The following PLEKHA8 variants were observed in gnomAD, a reference collection of about 807,000 sequenced individuals.
PLEKHA8 encodes pleckstrin homology domain-containing family A member 8.
In PLEKHA8, 36 loss-of-function variants were observed where a neutral mutation model predicts 68.2. The ratio of observed to expected loss-of-function variants is 0.53; its 90% CI spans 0.40 to 0.70. The LOEUF (loss-of-function observed/expected upper bound fraction) is 0.70. PLEKHA8 is among the 30% of genes least tolerant of loss of function. The pLI is 0.00. For missense variants in PLEKHA8, 505 were observed against 615.4 expected (o/e 0.82, Z 1.90); for synonymous variants, 211 against 216.1 (o/e 0.98, Z 0.20).
At chr7:30,046,085 T>C in intron 2 of PLEKHA8, 125 bp from the exon 3 acceptor site, 1 of 851,010 alleles carries the variant, frequency 1.2e-6, no homozygotes, top group Non-Finnish European at 1.7e-6. Flanking sequence ...AGGTAATGAC[T>C]GGCATCCTCT....
intron 13 of PLEKHA8, among the ~76,000 whole-genome samples, chr7:30,099,961 A>C (rs1214489916): frequency 6.6e-6 from 1 of 152,202 alleles, no homozygotes; most frequent in Non-Finnish European, 1.5e-5. Flanking sequence ...GGTGTTGGCA[A>C]GTCCATCTCC....
In PLEKHA8 at chr7:30,111,024, C is replaced by G. The variant is rs1796257059; in HGVS notation, c.1363-18242C>G. On this transcript the variant is annotated intron_variant, in intron 13 of 13. Transcript: ENST00000396257. The stretch of plus-strand genomic sequence containing the variant: ...GGCTCAAGCAATTCTCCTGCCTCAG[C>G]CCCCCGAGTAGCTGGGACTACAGGC... Among the ~76,000 whole-genome samples the G allele has an allele frequency of 1.3e-5, 2 of 151,874 alleles. 1 individual carries two copies. Among genetic ancestry groups the G allele is most frequent in the Admixed American group, 1.3e-4 (2 of 15,252 alleles).
At chr7:30,056,291 T>C (rs1307144339) in intron 9 of PLEKHA8, among the ~76,000 whole-genome samples, 2 of 80,284 alleles carry the variant, frequency 2.5e-5, no homozygotes, top group African/African-American at 8.1e-5. Flanking sequence ...TCTCTCTCTC[T>C]CTCTCTCTCT....
intron 13 of PLEKHA8, chr7:30,117,909 T>C: frequency 8.6e-7 from 1 of 1,157,264 alleles, no homozygotes; most frequent in Non-Finnish European, 1.2e-6. Context: ...TGCCAAGACT[T>C]TATTCATATT....
At chr7:30,049,450 T>C in intron 5 of PLEKHA8, 68 bp downstream of exon 5, 6 of 1,557,626 alleles carry the variant, frequency 3.9e-6, no homozygotes, top group Admixed American at 3.7e-5. Flanking sequence ...TAGTGAGTTA[T>C]GTTCTCTATT....
chr7:30,061,435 G>C (rs946900350), intron 10 of PLEKHA8, among the ~76,000 whole-genome samples: 1 of 152,164 alleles, frequency 6.6e-6, no homozygotes, highest in African/African-American at 2.4e-5. Flanking sequence ...TTTAAATGCA[G>C]ATTAAATGTT....
chr7:30,099,046 G>C (rs748581871), intron 13 of PLEKHA8, among the ~76,000 whole-genome samples: 1 of 152,136 alleles, frequency 6.6e-6, no homozygotes, highest in African/African-American at 2.4e-5. Context: ...GTGAGCCACC[G>C]TGCCCAGCCT....
rs539364272 is a variant in PLEKHA8 at position 30,082,090 on chromosome 7, A to T, written c.*3303A>T. 11 of 985,334 alleles carry T rather than the reference A, an allele frequency of 1.1e-5. No individual in the cohort carries two copies. The African/African-American group carries it at 1.7e-4, about 16-fold the overall frequency. 61.0% of individuals were successfully genotyped at this position (985,334 alleles called of 1,614,324 possible). A position where few individuals can be genotyped will look rare whatever the true frequency, so the allele number is the denominator to read the frequency against. On this transcript the variant is annotated 3_prime_UTR_variant, in exon 14 of 14. Transcript: ENST00000449726. Reference sequence around the variant, plus strand: ...GAAGAGGAGCTCTCACAGAATGTTGAGCCTGTGGGCCCAAGACATTGACTT... The same window carrying T: ...GAAGAGGAGCTCTCACAGAATGTTGTGCCTGTGGGCCCAAGACATTGACTT...
intron 1 of PLEKHA8, among the ~76,000 whole-genome samples, chr7:30,036,705 GTAAT>G (rs1387876292): frequency 6.6e-6 from 1 of 152,160 alleles, no homozygotes; most frequent in Non-Finnish European, 1.5e-5. Context: ...ATAATCTATT[GTAAT>G]TATAGTCTTC....
At chr7:30,062,103 A>C in intron 11 of PLEKHA8, 76 bp downstream of exon 11, 1 of 1,503,744 alleles carries the variant, frequency 6.7e-7, no homozygotes, top group South Asian at 1.3e-5. Context: ...TGTTACACAA[A>C]GGAGACTACT....
chr7:30,121,191 C>T (rs1439308613), intron 13 of PLEKHA8, among the ~76,000 whole-genome samples: 2 of 152,206 alleles, frequency 1.3e-5, no homozygotes, highest in Non-Finnish European at 2.9e-5. Context: ...TTTTGACCCA[C>T]GCATGCTTCC....
At chr7:30,094,526 A>G (rs1376162148), downstream of PLEKHA8, among the ~76,000 whole-genome samples, 2 of 151,348 alleles carry the variant, frequency 1.3e-5, no homozygotes, top group African/African-American at 2.4e-5. Context: ...TTTTATTATT[A>G]TTATACTTCA....
At chr7:30,115,407 CT>C (rs745316747) in intron 13 of PLEKHA8, among the ~76,000 whole-genome samples, 32 of 151,870 alleles carry the variant, frequency 2.1e-4, no homozygotes, top group Non-Finnish European at 4.0e-4. Flanking sequence ...ATGTTTTCTC[CT>C]TTTTGTATTA....
At chr7:30,052,640 C>CA (rs75714651) in intron 6 of PLEKHA8, 69 bp from the exon 7 acceptor site, 34,985 of 1,062,282 alleles carry the variant, frequency 0.033, 10 homozygotes, top group Non-Finnish European at 0.035. Flanking sequence ...GACCCTGTTT[C>CA]AAAAAAAAAA....
At chr7:30,065,343 C>T (rs1431515087) in intron 12 of PLEKHA8, among the ~76,000 whole-genome samples, 1 of 152,170 alleles carries the variant, frequency 6.6e-6, no homozygotes, top group Non-Finnish European at 1.5e-5. Flanking sequence ...TCCCTAGTTT[C>T]TTGCTGCTGC....
chr7:30,081,764 A>G lies in PLEKHA8; in HGVS notation c.*2977A>G, dbSNP rs559572283. ...CTAGGTATTGTAGACACAAATAAGT[A>G]ACATTAGGCTAACCCCTTATGAGAC... On this transcript the variant is annotated 3_prime_UTR_variant, in exon 14 of 14. Transcript: ENST00000449726. 1 of 985,376 alleles carries G rather than the reference A, an allele frequency of 1.0e-6. No individual in the cohort carries two copies. The highest frequency in any genetic ancestry group is 4.7e-5 in the South Asian group (1 of 21,286). The allele number at this position is 985,376 out of a possible 1,614,324, so 61.0% of individuals were successfully genotyped here. A position where few individuals can be genotyped will look rare whatever the true frequency, so the allele number is the denominator to read the frequency against.
At chr7:30,115,712 ACG>A (rs1562557629) in intron 13 of PLEKHA8, 1 of 116,138 alleles carries the variant, frequency 8.6e-6, no homozygotes, top group African/African-American at 3.2e-5. Context: ...ATGTATACAT[ACG>A]CGCATGCATG....
chr7:30,125,673 T>C (rs926447454), intron 13 of PLEKHA8, among the ~76,000 whole-genome samples: 1 of 152,244 alleles, frequency 6.6e-6, no homozygotes, highest in African/African-American at 2.4e-5. Flanking sequence ...CACAGTCTTA[T>C]ATTTTTAATT....
intron 11 of PLEKHA8, 121 bp from the exon 12 acceptor site, chr7:30,062,551 G>T (rs1793521592): frequency 1.4e-6 from 1 of 724,580 alleles, no homozygotes; most frequent in Admixed American, 2.2e-5. Context: ...CATATGATTT[G>T]ACCTATTCAC....
Sources: gnomAD v4.1 joint callset for allele counts (sites outside exome capture counted in the v4.1 genomes callset) on GRCh38, gnomAD v4.1.1 for gene constraint, MANE v1.5 for transcripts, NCBI Gene and HGNC (gene_info 2026-07-23, HGNC 2026-07-21) for gene names.